MPP7: variants seen among roughly 807,000 people sequenced by gnomAD.
MPP7 encodes the protein MAGUK p55 subfamily member 7.
Under a neutral mutation model 76.5 loss-of-function variants are expected in MPP7, and 60 were observed. The observed-to-expected ratio is 0.78, with a 90% confidence interval of 0.64 to 0.97. The LOEUF is 0.97. Among genes scored for constraint, MPP7 ranks in the 50% least tolerant of loss-of-function variants. The probability of loss-of-function intolerance (pLI) is 0.00; values close to 1 mark genes in which losing one functional copy is unlikely to be tolerated. For missense variants in MPP7, 641 were observed against 694.0 expected, an observed-to-expected ratio of 0.92 and a Z score of 0.86; for synonymous variants, 237 against 244.5, an observed-to-expected ratio of 0.97 and a Z score of 0.29.
chr10:28,170,542 C>T (rs1040091232), intron 3 of MPP7, among the ~76,000 whole-genome samples: 14 of 151,384 alleles, frequency 9.2e-5, no homozygotes, highest in Admixed American at 6.6e-5. Flanking sequence ...TTCTAACTTT[C>T]TTACCACTGG....
chr10:28,328,954 T>A (rs1834445933), intron 2 of MPP7, among the ~76,000 whole-genome samples: 1 of 152,236 alleles, frequency 6.6e-6, no homozygotes, highest in African/African-American at 2.4e-5. Context: ...TTGTTGTATA[T>A]TGTAACACAT....
At chr10:28,292,910 G>C (rs1840953536) in intron 1 of MPP7, among the ~76,000 whole-genome samples, 1 of 151,542 alleles carries the variant, frequency 6.6e-6, no homozygotes, top group African/African-American at 2.4e-5. Flanking sequence ...ATATGATACA[G>C]GTAGCATCAC....
intron 12 of MPP7, among the ~76,000 whole-genome samples, chr10:28,086,776 A>C (rs553818406): frequency 6.6e-6 from 1 of 152,224 alleles, no homozygotes; most frequent in African/African-American, 2.4e-5. Context: ...AAAGCTTCAG[A>C]GAGTTCCAGA....
At position 28,275,349 on chromosome 10, in the gene MPP7, C is replaced by T. The variant is rs373213735; in HGVS notation, c.-132+27512G>A. On this transcript the variant is annotated intron_variant, in intron 1 of 16. Transcript: ENST00000683449. ...GAAATCTTAGATGTGCTGTTGAGTC[C>T]TATCTCTCCCTTACCTCTTACATCC... Among the ~76,000 whole-genome samples, 21 of 152,158 alleles carry T rather than the reference C, an allele frequency of 1.4e-4. No individual in the cohort carries two copies. The East Asian group carries it at 3.9e-3, about 28-fold the overall frequency.
At chr10:28,323,707 TAAATAGAGAGAG>T (rs1169079145) in intron 2 of MPP7, among the ~76,000 whole-genome samples, 5 of 151,284 alleles carry the variant, frequency 3.3e-5, no homozygotes, top group Non-Finnish European at 7.4e-5. Context: ...AATAAATAAA[TAAATAGAGAGAG>T]AGAAAGAGTC....
At chr10:28,115,854 C>T (rs1834650034) in intron 11 of MPP7, among the ~76,000 whole-genome samples, 1 of 152,144 alleles carries the variant, frequency 6.6e-6, no homozygotes, top group Non-Finnish European at 1.5e-5. Flanking sequence ...ATAATCATGA[C>T]TAGTTAAAAC....
chr10:28,254,515 A>G (rs1839723426), intron 1 of MPP7, among the ~76,000 whole-genome samples: 1 of 152,202 alleles, frequency 6.6e-6, no homozygotes, highest in Non-Finnish European at 1.5e-5. Context: ...GATCTTATCT[A>G]TTTTAATATC....
intron 3 of MPP7, among the ~76,000 whole-genome samples, chr10:28,176,495 G>C (rs1006180662): frequency 6.6e-6 from 1 of 152,146 alleles, no homozygotes; most frequent in African/African-American, 2.4e-5. Flanking sequence ...AGCACTTTGG[G>C]AGGCTGAGGT....
chr10:28,230,815 CAAAT>C (rs952243422), intron 2 of MPP7, among the ~76,000 whole-genome samples: 2 of 152,148 alleles, frequency 1.3e-5, no homozygotes, highest in African/African-American at 2.4e-5. Flanking sequence ...GAATCCATCT[CAAAT>C]AAATAAATAA....
At chr10:28,129,724 T>TG (rs1426775048) in intron 6 of MPP7, among the ~76,000 whole-genome samples, 2 of 152,190 alleles carry the variant, frequency 1.3e-5, no homozygotes, top group Admixed American at 1.3e-4. Context: ...ACCAAAAACT[T>TG]GCACCAAGAA....
chr10:28,177,260 C>CAAAAAAA (rs57984876), intron 3 of MPP7, among the ~76,000 whole-genome samples: 3 of 104,182 alleles, frequency 2.9e-5, no homozygotes, highest in East Asian at 3.9e-4. Flanking sequence ...ACTAAAAATG[C>CAAAAAAA]AAAAAAAAAA....
chr10:28,326,253 A>G (rs370867334), intron 2 of MPP7, among the ~76,000 whole-genome samples: 2 of 152,194 alleles, frequency 1.3e-5, no homozygotes, highest in African/African-American at 4.8e-5. Context: ...TCCGGGAGAC[A>G]CTGTCACCAA....
intron 11 of MPP7, among the ~76,000 whole-genome samples, chr10:28,109,872 A>AAC (rs1564634857): frequency 1.0e-4 from 15 of 147,954 alleles, no homozygotes; most frequent in Admixed American, 9.0e-4. Flanking sequence ...AAAAAAAAAA[A>AAC]ACACTTAAAA....
chr10:28,182,865 G>A (rs538464553), intron 3 of MPP7, among the ~76,000 whole-genome samples: 3 of 152,198 alleles, frequency 2.0e-5, no homozygotes, highest in African/African-American at 7.2e-5. Context: ...ATCACCTGAG[G>A]TCAGGAGTTC....
intron 1 of MPP7, among the ~76,000 whole-genome samples, chr10:28,253,870 C>T (rs577708021): frequency 1.3e-5 from 2 of 151,684 alleles, no homozygotes; most frequent in Non-Finnish European, 2.9e-5. Context: ...GTCGGGGGCA[C>T]CTGCAGTCCC....
At position 28,321,881 on chromosome 10, in the gene MPP7, C is replaced by G. The variant is rs1040442596; in HGVS notation, c.-132+8048G>C. Among the ~76,000 whole-genome samples the G allele has an allele frequency of 2.0e-5, 3 of 150,486 alleles. No homozygotes were observed. In the South Asian group the frequency reaches 6.3e-4, roughly 31 times the overall value. On this transcript the variant is annotated intron_variant, in intron 2 of 11. Transcript: ENST00000441595. Reference sequence around the variant, plus strand: ...GATTACAGGTATGAGCCATGCCTAGCCAGAAAATTTTTAGAGAATTTATTT... The same window carrying G: ...GATTACAGGTATGAGCCATGCCTAGGCAGAAAATTTTTAGAGAATTTATTT...
intron 2 of MPP7, among the ~76,000 whole-genome samples, chr10:28,227,851 G>T (rs1838748556): frequency 6.6e-6 from 1 of 152,148 alleles, no homozygotes; most frequent in Admixed American, 6.5e-5. Context: ...TGAGATTAGT[G>T]GATCAAATGG....
At chr10:28,194,160 G>A (rs528117355) in intron 3 of MPP7, among the ~76,000 whole-genome samples, 17 of 152,216 alleles carry the variant, frequency 1.1e-4, no homozygotes, top group South Asian at 2.1e-4. Flanking sequence ...GACTACAGGC[G>A]CGTGCCACCA....
chr10:28,219,871 G>A (rs1012828523), intron 2 of MPP7, among the ~76,000 whole-genome samples: 6 of 151,920 alleles, frequency 3.9e-5, no homozygotes, highest in Admixed American at 6.6e-5. Context: ...AGCACTGTTC[G>A]GTGCCATTCA....
Sources: allele counts gnomAD v4.1 joint callset (sites outside exome capture counted in the v4.1 genomes callset), GRCh38; gene constraint gnomAD v4.1.1; transcripts MANE v1.5; gene names NCBI Gene and HGNC (gene_info 2026-07-23, HGNC 2026-07-21).